The following HECTD3 variants were observed in gnomAD, a reference collection of about 807,000 sequenced individuals.
The protein encoded by HECTD3 is HECT domain E3 ubiquitin protein ligase 3.
HECTD3 carries 72 observed loss-of-function variants against 109.3 expected under a neutral mutation model. That is an observed-to-expected ratio of 0.66 (90% CI 0.54 to 0.80). The LOEUF (loss-of-function observed/expected upper bound fraction) is 0.80. HECTD3 is among the 30% of genes least tolerant of loss of function. The pLI, the probability that HECTD3 is intolerant of heterozygous loss-of-function variation, is 0.00. For synonymous variants in HECTD3, 481 were observed against 471.8 expected (o/e 1.02, Z -0.25); for missense variants, 1,041 against 1,165.2 (o/e 0.89, Z 1.55).
chr1:45,010,864 G>A lies in HECTD3; in HGVS notation c.369+25C>T, dbSNP rs751547897. On this transcript the variant is annotated intron_variant, in intron 1 of 20. Transcript: ENST00000372172. ...TCTCTGGCCCCAGGGGTCTTTTACC[G>A]GGTCCTGGGCAGGGAAGAGCGCACC... 295 of 1,508,512 alleles carry A rather than the reference G, an allele frequency of 2.0e-4. 2 individuals carry two copies. In the South Asian group the frequency reaches 2.6e-3, roughly 13 times the overall value. The allele number at this position is 1,508,512 out of a possible 1,614,324, so 93.4% of individuals were successfully genotyped here.
intron 15 of HECTD3, chr1:45,005,360 C>G: frequency 5.1e-6 from 1 of 194,582 alleles, no homozygotes. Context: ...GGCAGGGAGA[C>G]AGTAGTGAGA....
chr1:45,004,641 G>C lies in HECTD3; in HGVS notation c.2101C>G (p.Gln701Glu), dbSNP rs767648849. 1 of 1,614,142 alleles carries C rather than the reference G, an allele frequency of 6.2e-7. No individual in the cohort carries two copies. The highest frequency in any genetic ancestry group is 1.1e-5 in the South Asian group (1 of 91,084). Residue 701 changes from glutamine (Q) to glutamate (E), a missense_variant, in exon 16 of 21, where the codon CAA becomes GAA. Transcript: ENST00000372172. ...VGYGDRSRFI[Q>E]LVQKARLEES... ...TCTAGCCGTGCCTTCTGGACCAGTT[G>C]GATGAAACGAGAACGGTCCCCATAT...
rs2298005 is a variant in HECTD3, at chr1:45,010,991, G to A, written c.267C>T (p.Leu89=). 0.26 allele frequency: 377,504 copies of A among 1,478,360 alleles called. 49,157 individuals are homozygous for A. Among genetic ancestry groups the A allele is most frequent in the Admixed American group, 0.37 (14,244 of 38,658 alleles). 91.6% of individuals were successfully genotyped at this position (1,478,360 alleles called of 1,614,324 possible). ...GPAPGTGSGP[L]RAARDSIELR... is the part of the protein sequence containing the mutation. ...GCTCAATGCTGTCGCGGGCGGCGCG[G>A]AGGGGCCCGGAGCCGGTACCGGGGG... The change falls in exon 1 of 21, where the codon CTC becomes CTT. Residue 89 remains leucine (L), a synonymous_variant. Coordinates refer to ENST00000372172, the MANE Select transcript of HECTD3 (RefSeq NM_024602.6).
rs753816646 is a variant in HECTD3 at position 45,009,971 on chromosome 1, A to C, written c.759+15T>G. 1.3e-6 allele frequency: 2 copies of C among 1,516,738 alleles called. No homozygotes were observed. The highest frequency in any genetic ancestry group is 1.8e-6 in the Non-Finnish European group (2 of 1,131,960). The allele number at this position is 1,516,738 out of a possible 1,614,324, so 94.0% of individuals were successfully genotyped here. A position where few individuals can be genotyped will look rare whatever the true frequency, so the allele number is the denominator to read the frequency against. On this transcript the variant is annotated intron_variant, in intron 4 of 20. Coordinates refer to ENST00000372172, the MANE Select transcript of HECTD3 (RefSeq NM_024602.6). Reference sequence around the variant, plus strand: ...ACTATATCTTGCCTGGGGTGGGAGGAGCCCCAGCACCCACCGTGTAGGAGG... The same window carrying C: ...ACTATATCTTGCCTGGGGTGGGAGGCGCCCCAGCACCCACCGTGTAGGAGG...
At chr1:45,005,704 G>C in intron 15 of HECTD3, 90 bp downstream of exon 15, 1 of 998,518 alleles carries the variant, frequency 1.0e-6, no homozygotes, top group Non-Finnish European at 1.5e-6. Flanking sequence ...GATCTTGTGT[G>C]TGGTGAAAGA....
chr1:45,003,978 G>A lies in HECTD3; in HGVS notation c.2348-42C>T. On this transcript the variant is annotated intron_variant, in intron 18 of 20. Coordinates refer to ENST00000372172, the MANE Select transcript of HECTD3 (RefSeq NM_024602.6). This position sits in a 1 kb window ranked among gnomAD's most constrained non-coding sequence, Gnocchi z 4.7. ...ATCAGTGCCTGCATGGATGGTGAGG[G>A]AGGGTCTACAACTTCTACCCTGCCT... is the stretch of plus-strand genomic sequence containing the variant. 1 of 1,611,964 alleles carries A rather than the reference G, an allele frequency of 6.2e-7. No individual in the cohort carries two copies. Among genetic ancestry groups the A allele is most frequent in the Non-Finnish European group, 8.5e-7 (1 of 1,178,166 alleles).
rs1569950193 is a variant in HECTD3, at chr1:45,010,627, G to A, written c.449C>T (p.Ala150Val). The change falls in exon 2 of 21, where the codon GCC becomes GTC. Residue 150 changes from alanine (A) to valine (V), a missense_variant. This residue lies in a region of HECTD3 where 472 missense variants were observed against 449.9 expected (regional missense o/e 1.05). Coordinates refer to ENST00000372172, the MANE Select transcript of HECTD3 (RefSeq NM_024602.6). ...LLVCRPAEGG[A>V]RLVPIDTPNH... is the part of the protein sequence containing the mutation. Reference sequence around the variant, plus strand: ...GGGAGTGTCGATGGGTACCAGGCGGGCTCCGCCCTCCGCCGGGCGGCACAC... The same window carrying A: ...GGGAGTGTCGATGGGTACCAGGCGGACTCCGCCCTCCGCCGGGCGGCACAC... 1 of 1,610,498 alleles carries A rather than the reference G, an allele frequency of 6.2e-7. No individual in the cohort carries two copies.
At chr1:45,005,968 C>G (rs760142112) in intron 14 of HECTD3, 29 bp downstream of exon 14, 1 of 1,610,976 alleles carries the variant, frequency 6.2e-7, no homozygotes, top group Non-Finnish European at 8.5e-7. Flanking sequence ...CAGGGCTGAT[C>G]GGACGGGGGT....
Position 45,004,359 on chromosome 1 carries a change from C to T in HECTD3, c.2161G>A (p.Gly721Ser). The T allele has an allele frequency of 1.2e-6, 2 of 1,614,140 alleles. No individual in the cohort carries two copies. The highest frequency in any genetic ancestry group is 1.7e-6 in the Non-Finnish European group (2 of 1,179,986). The change falls in exon 17 of 21, where the codon GGT (glycine) becomes AGT (serine). Residue 721 changes from glycine (G) to serine (S), a missense_variant. Gly to Ser is a moderately conservative substitution (Grantham distance 56). Coordinates refer to ENST00000372172, the MANE Select transcript of HECTD3 (RefSeq NM_024602.6). ...SKEQVAAMQAGLLKVVPQAVL... is the reference protein window; with the variant it reads ...SKEQVAAMQASLLKVVPQAVL... The stretch of plus-strand genomic sequence containing the variant: ...GCCTGTGGTACCACCTTCAGCAGAC[C>T]TGCCTGCATAGCTGCCACCTGGGGA...
intron 16 of HECTD3, 35 bp downstream of exon 16, chr1:45,004,565 C>T (rs1184497007): frequency 6.2e-7 from 1 of 1,611,786 alleles, no homozygotes; most frequent in Non-Finnish European, 8.5e-7. Flanking sequence ...CAGGAGGGGC[C>T]AAAGCTCTCT....
Position 45,009,434 on chromosome 1 carries a change from C to T in HECTD3, c.924G>A (p.Lys308=), listed in dbSNP as rs368512300. The T allele has an allele frequency of 2.8e-4, 453 of 1,614,080 alleles. No individual in the cohort carries two copies. Among genetic ancestry groups the T allele is most frequent in the Non-Finnish European group, 3.7e-4 (435 of 1,180,036 alleles). Residue 308 remains lysine, a synonymous_variant, in exon 6 of 21, where the codon AAG becomes AAA. Transcript: ENST00000372172. ...CTTCACCCCCATAGACCACCACCCG[C>T]TTTGGCATAAAGTTGTCATCTGTGG... ...VDTTDDNFMP[K]RVVVYGGEGD... is the part of the protein sequence containing the mutation.
rs148703438 is a variant in HECTD3 at position 45,008,287 on chromosome 1, G to A, written c.1273C>T (p.Leu425=). The change falls in exon 9 of 21, where the codon CTG becomes TTG. Residue 425 remains leucine (L), a synonymous_variant. Transcript: ENST00000372172. ...AGTGTGTGGTCCCAGGCAGGTACCA[G>A]GTGGTGCAGGACACTATCGAGGATC... ...IKILDSVLHH[L]VPAWDHTLGT... 2.8e-5 allele frequency: 46 copies of A among 1,614,148 alleles called. No homozygotes were observed. The Middle Eastern group carries it at 9.9e-4, about 35-fold the overall frequency.
chr1:45,004,993 C>T (rs1644721928), intron 15 of HECTD3, 187 bp from the exon 16 acceptor site: 1 of 621,662 alleles, frequency 1.6e-6, no homozygotes, highest in Non-Finnish European at 2.9e-6. Flanking sequence ...GCCTTGGAGG[C>T]CAGAGGAGGC....
chr1:45,004,184 C>T (rs764378114), intron 17 of HECTD3, 50 bp from the exon 18 acceptor site: 1 of 1,614,112 alleles, frequency 6.2e-7, no homozygotes, highest in Non-Finnish European at 8.5e-7. Flanking sequence ...CTTGCCCAGT[C>T]CTTGAGCCCC....
rs773490860 is a variant in HECTD3, at chr1:45,010,944, C to A, written c.314G>T (p.Arg105Leu). The A allele has an allele frequency of 1.3e-6, 2 of 1,536,194 alleles. No homozygotes were observed. The highest frequency in any genetic ancestry group is 1.7e-6 in the Non-Finnish European group (2 of 1,154,506). ...SIELRRGACV[R>L]TTGEELCNGH... The stretch of plus-strand genomic sequence containing the variant: ...ATTGCACAGCTCCTCGCCCGTGGTG[C>A]GCACGCAGGCGCCGCGCCGGAGCTC... The change falls in exon 1 of 21, where the codon CGC becomes CTC. Residue 105 changes from arginine to leucine, a missense_variant. Arg to Leu is a moderately radical substitution (Grantham distance 102). Transcript: ENST00000372172.
At chr1:45,005,479 G>A (rs772560290) in intron 15 of HECTD3, 5 of 274,914 alleles carry the variant, frequency 1.8e-5, no homozygotes, top group Admixed American at 9.4e-5. Flanking sequence ...AGTGGGACAT[G>A]GTGCCCTTCT....
Position 45,008,537 on chromosome 1 carries a change from T to C in HECTD3, c.1237A>G (p.Arg413Gly). 6.2e-7 allele frequency: 1 copy of C among 1,612,586 alleles called. No individual in the cohort carries two copies. Among genetic ancestry groups the C allele is most frequent in the South Asian group, 1.1e-5 (1 of 91,050 alleles). ...VLYRRAVLLQ[R>G]FIKILDSVLH... is the part of the protein sequence containing the mutation. Reference sequence around the variant, plus strand: ...CCATAGGTCCAGGACCACAGCCACCTCTGCAGGAGGACAGCTCTGCGGTAC... The same window carrying C: ...CCATAGGTCCAGGACCACAGCCACCCCTGCAGGAGGACAGCTCTGCGGTAC... Residue 413 changes from arginine to glycine, a missense_variant and splice_region_variant, in exon 8 of 21, where the codon AGA becomes GGA. This residue lies in a region of HECTD3 where 569 missense variants were observed against 715.3 expected (regional missense o/e 0.80). Transcript: ENST00000372172.
At chr1:45,007,914 C>A (rs1307257933) in intron 9 of HECTD3, among the ~76,000 whole-genome samples, 1 of 152,216 alleles carries the variant, frequency 6.6e-6, no homozygotes, top group Non-Finnish European at 1.5e-5. Flanking sequence ...CACCCTCATC[C>A]CTCTGTCATA....
Position 45,003,880 on chromosome 1 carries a change from T to C in HECTD3, c.2404A>G (p.Ile802Val), listed in dbSNP as rs1203280763. The change falls in exon 19 of 21, where the codon ATC (isoleucine) becomes GTC (valine). Residue 802 changes from isoleucine to valine, a missense_variant. Transcript: ENST00000372172. This position sits in a 1 kb window ranked among gnomAD's most constrained non-coding sequence, Gnocchi z 4.7. ...CCCAGCTTGTCTGGGTAGATGTAGATCCGTGCTGGCAGGCGACTGCGGCCC... is the reference window on the plus strand; with the variant it reads ...CCCAGCTTGTCTGGGTAGATGTAGACCCGTGCTGGCAGGCGACTGCGGCCC... ...VTGRSRLPAR[I>V]YIYPDKLGYE... 6.2e-7 allele frequency: 1 copy of C among 1,613,514 alleles called. No individual in the cohort carries two copies. Among genetic ancestry groups the C allele is most frequent in the Admixed American group, 1.7e-5 (1 of 59,974 alleles).
Sources: gnomAD v4.1 joint callset for allele counts (sites outside exome capture counted in the v4.1 genomes callset) on GRCh38, gnomAD v4.1.1 for gene constraint, gnomAD v4.1.1 regional missense constraint, Gnocchi (gnomAD v3.1) non-coding constraint, MANE v1.5 for transcripts, NCBI Gene and HGNC (gene_info 2026-07-23, HGNC 2026-07-21) for gene names.